SEMA6D: variants seen among roughly 807,000 people sequenced by gnomAD.
SEMA6D encodes semaphorin-6D.
Under a neutral mutation model 106.6 loss-of-function variants are expected in SEMA6D, and 35 were observed. The ratio of observed to expected loss-of-function variants is 0.33; its 90% CI spans 0.25 to 0.44. The LOEUF (loss-of-function observed/expected upper bound fraction) is 0.44. SEMA6D is among the 20% of genes least tolerant of loss of function. The pLI is 1.00. For missense variants in SEMA6D, 1,185 were observed against 1,345.9 expected (o/e 0.88, Z 1.87); for synonymous variants, 499 against 487.7 (o/e 1.02, Z -0.31).
chr15:47,321,403 A>G (rs916388436), intron 1 of SEMA6D, among the ~76,000 whole-genome samples: 9 of 152,218 alleles, frequency 5.9e-5, no homozygotes. Flanking sequence ...TCCTTTATCA[A>G]TATTTATTGT....
At chr15:47,363,287 A>G (rs773896412) in intron 1 of SEMA6D, among the ~76,000 whole-genome samples, 1 of 152,212 alleles carries the variant, frequency 6.6e-6, no homozygotes, top group Admixed American at 6.5e-5. Flanking sequence ...CCAAGCCCCT[A>G]TGTTAAGAAC....
intron 1 of SEMA6D, among the ~76,000 whole-genome samples, chr15:47,230,356 C>T (rs1241888624): frequency 6.6e-6 from 1 of 151,894 alleles, no homozygotes; most frequent in Non-Finnish European, 1.5e-5. Context: ...GCTAGATTTC[C>T]ATGGTTACAT....
chr15:47,771,308 G>A lies in SEMA6D; in HGVS notation c.2745G>A (p.Met915Ile). 1 of 1,613,980 alleles carries A rather than the reference G, an allele frequency of 6.2e-7. No homozygotes were observed. Among genetic ancestry groups the A allele is most frequent in the Non-Finnish European group, 8.5e-7 (1 of 1,179,968 alleles). The change falls in exon 19 of 19, where the codon ATG (methionine) becomes ATA (isoleucine). Residue 915 changes from methionine (M) to isoleucine (I), a missense_variant. Physicochemically the swap from Met to Ile is conservative, Grantham distance 10. Around this residue, in one of 3 missense-constraint regions of SEMA6D, gnomAD observed 750 missense variants for 783.5 expected, o/e 0.96. Transcript: ENST00000536845. ...QNLMLDPMGSMSEVPPKVPNR... is the reference protein window; with the variant it reads ...QNLMLDPMGSISEVPPKVPNR... ...TAATGCTGGATCCCATGGGATCGAT[G>A]TCTGAGGTCCCACCTAAAGTCCCTA...
At chr15:47,389,278 C>T (rs915851975) in intron 1 of SEMA6D, among the ~76,000 whole-genome samples, 3 of 152,254 alleles carry the variant, frequency 2.0e-5, no homozygotes, top group African/African-American at 7.2e-5. Context: ...ACATATTAAG[C>T]ATCATATAAA....
intron 3 of SEMA6D, among the ~76,000 whole-genome samples, chr15:47,479,361 G>A (rs2043087937): frequency 6.6e-6 from 1 of 152,052 alleles, no homozygotes; most frequent in South Asian, 2.1e-4. Context: ...TCTATGCTAA[G>A]TTCAGTAAGA....
chr15:47,298,992 A>G (rs867473877), intron 1 of SEMA6D, among the ~76,000 whole-genome samples: 4 of 152,280 alleles, frequency 2.6e-5, no homozygotes, highest in South Asian at 2.1e-4. Context: ...ACTGAGTATC[A>G]GTAAGACTGT....
intron 3 of SEMA6D, among the ~76,000 whole-genome samples, chr15:47,598,193 A>G (rs2076575868): frequency 6.6e-6 from 1 of 152,004 alleles, no homozygotes; most frequent in Non-Finnish European, 1.5e-5. Flanking sequence ...ATTTATGCAA[A>G]CTGTATGTCT....
chr15:47,649,421 C>T (rs546340948), intron 4 of SEMA6D, among the ~76,000 whole-genome samples: 1 of 152,224 alleles, frequency 6.6e-6, no homozygotes, highest in Non-Finnish European at 1.5e-5. Flanking sequence ...AGGGGCTTCC[C>T]TCAGAGACCT....
intron 3 of SEMA6D, among the ~76,000 whole-genome samples, chr15:47,472,031 A>G (rs943249891): frequency 6.6e-6 from 1 of 151,746 alleles, no homozygotes; most frequent in Non-Finnish European, 1.5e-5. Flanking sequence ...AGAAAAGAGA[A>G]TAGATAGAGG....
intron 1 of SEMA6D, among the ~76,000 whole-genome samples, chr15:47,362,672 C>T (rs969944090): frequency 1.3e-5 from 2 of 152,144 alleles, no homozygotes; most frequent in Non-Finnish European, 2.9e-5. Flanking sequence ...TCCTAACCAC[C>T]GGTTTGGAGA....
chr15:47,739,008 C>A (rs893414640), intron 1 of SEMA6D, among the ~76,000 whole-genome samples: 5 of 152,264 alleles, frequency 3.3e-5, no homozygotes, highest in Non-Finnish European at 7.3e-5. Context: ...TAGGCTGTTT[C>A]ATACTTCAGT....
chr15:47,454,599 G>GCACACACACACACA (rs71118183), intron 2 of SEMA6D, among the ~76,000 whole-genome samples: 225 of 148,988 alleles, frequency 1.5e-3, no homozygotes, highest in East Asian at 6.3e-3. Flanking sequence ...TTGCACATGT[G>GCACACACACACACA]CACACACACA....
chr15:47,593,010 C>G (rs1447944951), intron 3 of SEMA6D, among the ~76,000 whole-genome samples: 6 of 152,158 alleles, frequency 3.9e-5, no homozygotes, highest in Non-Finnish European at 1.5e-5. Flanking sequence ...CTTTTCATCT[C>G]TTCCTGAGAG....
chr15:47,356,906 A>G (rs1469872678), intron 1 of SEMA6D, among the ~76,000 whole-genome samples: 1 of 152,222 alleles, frequency 6.6e-6, no homozygotes, highest in Non-Finnish European at 1.5e-5. Flanking sequence ...TATTTTATGC[A>G]TAAGTGAGAA....
Position 47,517,811 on chromosome 15 carries a change from G to A in SEMA6D, c.-87+47266G>A, listed in dbSNP as rs114517114. On this transcript the variant is annotated intron_variant, in intron 3 of 19. Transcript: ENST00000558014. ...ATAGACTGACTTCTACCCTTAACAA[G>A]TAATGAAAGTGCTTTAACCAGCATT... is the stretch of plus-strand genomic sequence containing the variant. Among the ~76,000 whole-genome samples the A allele has an allele frequency of 4.0e-3, 605 of 152,262 alleles. 4 individuals are homozygous for A. Among genetic ancestry groups the A allele is most frequent in the African/African-American group, 0.014 (586 of 41,554 alleles).
At chr15:47,649,588 A>C (rs1214105102) in intron 4 of SEMA6D, among the ~76,000 whole-genome samples, 1 of 152,220 alleles carries the variant, frequency 6.6e-6, no homozygotes, top group East Asian at 1.9e-4. Context: ...GCTGAAGTGC[A>C]CTATGATCAC....
intron 3 of SEMA6D, among the ~76,000 whole-genome samples, chr15:47,476,883 T>C (rs368091262): frequency 7.9e-5 from 12 of 152,284 alleles, no homozygotes; most frequent in African/African-American, 2.9e-4. Flanking sequence ...AATACAAATC[T>C]ATCTTTCATC....
chr15:47,520,658 C>G (rs2141925455), intron 3 of SEMA6D, among the ~76,000 whole-genome samples: 1 of 152,332 alleles, frequency 6.6e-6, no homozygotes, highest in East Asian at 1.9e-4. Context: ...TCTGTGAACA[C>G]CTGTATTCTC....
At chr15:47,700,588 A>T (rs1195701207) in intron 4 of SEMA6D, among the ~76,000 whole-genome samples, 2 of 152,094 alleles carry the variant, frequency 1.3e-5, no homozygotes, top group Non-Finnish European at 2.9e-5. Context: ...ATTGATTTCA[A>T]AGTTTATATT....
Sources: gnomAD v4.1 joint callset for allele counts (sites outside exome capture counted in the v4.1 genomes callset) on GRCh38, gnomAD v4.1.1 for gene constraint, gnomAD v4.1.1 regional missense constraint, MANE v1.5 for transcripts, NCBI Gene and HGNC (gene_info 2026-07-23, HGNC 2026-07-21) for gene names.